PCDH9: variants seen among roughly 807,000 people sequenced by gnomAD.
The protein encoded by PCDH9 is protocadherin 9, also known as protocadherin-9.
Under a neutral mutation model 70.6 loss-of-function variants are expected in PCDH9, and 24 were observed. The observed-to-expected ratio is 0.34, with a 90% CI of 0.25 to 0.48. PCDH9 has a LOEUF of 0.48. Among genes scored for constraint, PCDH9 ranks in the 20% least tolerant of loss-of-function variants. The pLI is 0.99. For synonymous variants in PCDH9, 562 were observed against 558.5 expected (o/e 1.01, Z -0.09); for missense variants, 1,281 against 1,503.6 (o/e 0.85, Z 2.45).
intron 4 of PCDH9, among the ~76,000 whole-genome samples, chr13:66,352,311 C>T (rs1326470430): frequency 6.6e-6 from 1 of 152,104 alleles, no homozygotes; most frequent in Non-Finnish European, 1.5e-5. Flanking sequence ...ATTATCTGTG[C>T]CTTTGCATGC....
At chr13:66,923,647 G>A (rs1290029307) in intron 2 of PCDH9, among the ~76,000 whole-genome samples, 1 of 151,548 alleles carries the variant, frequency 6.6e-6, no homozygotes, top group African/African-American at 2.4e-5. Flanking sequence ...AATTTTAATA[G>A]ATAAGGAAAC....
intron 4 of PCDH9, among the ~76,000 whole-genome samples, chr13:66,341,719 G>A (rs1160558812): frequency 2.1e-5 from 3 of 144,454 alleles, no homozygotes; most frequent in African/African-American, 7.6e-5. Flanking sequence ...CTTGCACTGA[G>A]CTGGTTTGCT....
At chr13:67,215,019 C>A (rs1184297914) in intron 2 of PCDH9, 1 of 140,332 alleles carries the variant, frequency 7.1e-6, no homozygotes, top group African/African-American at 2.6e-5. Context: ...CATGATTACA[C>A]CCATTTTGCA....
chr13:66,365,624 G>C (rs193286728), intron 4 of PCDH9, among the ~76,000 whole-genome samples: 1 of 152,254 alleles, frequency 6.6e-6, no homozygotes, highest in Non-Finnish European at 1.5e-5. Flanking sequence ...AGAAGAAATA[G>C]ACTTATTAAG....
intron 2 of PCDH9, among the ~76,000 whole-genome samples, chr13:66,926,587 G>A (rs1021561997): frequency 7.9e-5 from 12 of 152,034 alleles, no homozygotes; most frequent in African/African-American, 1.2e-4. Flanking sequence ...ACATGGGCAT[G>A]AGCAGTCTCT....
intron 2 of PCDH9, among the ~76,000 whole-genome samples, chr13:67,114,454 A>G (rs147785027): frequency 2.6e-3 from 389 of 152,316 alleles, no homozygotes; most frequent in African/African-American, 8.2e-3. Flanking sequence ...CTTACTTTCA[A>G]TGAGGCATCT....
intron 4 of PCDH9, among the ~76,000 whole-genome samples, chr13:66,335,857 C>T (rs913421081): frequency 6.6e-6 from 1 of 152,070 alleles, no homozygotes; most frequent in Admixed American, 6.6e-5. Flanking sequence ...GGGGTGTCTA[C>T]TGTATTTGAG....
At chr13:66,680,131 T>C (rs986844116) in intron 3 of PCDH9, among the ~76,000 whole-genome samples, 1 of 151,952 alleles carries the variant, frequency 6.6e-6, no homozygotes, top group Non-Finnish European at 1.5e-5. Flanking sequence ...TTTTTGGAAG[T>C]TGTCACATGC....
At chr13:67,028,011 C>T (rs1174107702) in intron 2 of PCDH9, among the ~76,000 whole-genome samples, 16 of 150,460 alleles carry the variant, frequency 1.1e-4, no homozygotes, top group East Asian at 9.9e-4. Context: ...GTCAGTGTGG[C>T]GATTCCTCAG....
intron 4 of PCDH9, among the ~76,000 whole-genome samples, chr13:66,464,900 T>C (rs1033072585): frequency 1.3e-5 from 2 of 151,982 alleles, no homozygotes; most frequent in African/African-American, 4.8e-5. Context: ...ATATATCTAA[T>C]AATTGCAATT....
At chr13:66,344,286 C>A (rs760342629) in intron 4 of PCDH9, among the ~76,000 whole-genome samples, 1 of 151,540 alleles carries the variant, frequency 6.6e-6, no homozygotes, top group African/African-American at 2.4e-5. Flanking sequence ...GGGACCACGC[C>A]CAGCTAATTT....
chr13:66,524,174 A>G (rs1440141428), intron 4 of PCDH9, among the ~76,000 whole-genome samples: 1 of 152,144 alleles, frequency 6.6e-6, no homozygotes, highest in Non-Finnish European at 1.5e-5. Flanking sequence ...TATTTAGTTA[A>G]AATCAAATAT....
chr13:66,588,218 C>G (rs117916380), intron 4 of PCDH9, among the ~76,000 whole-genome samples: 157 of 151,446 alleles, frequency 1.0e-3, no homozygotes, highest in African/African-American at 3.7e-3. Flanking sequence ...GGAGATACCC[C>G]CTGATGGTGC....
chr13:66,617,770 A>G (rs1213290532), intron 4 of PCDH9, among the ~76,000 whole-genome samples: 5 of 152,136 alleles, frequency 3.3e-5, no homozygotes, highest in Non-Finnish European at 4.4e-5. Flanking sequence ...CAGGCCATCA[A>G]ACTCCAAACA....
chr13:67,012,366 C>T (rs1435563044), intron 2 of PCDH9, among the ~76,000 whole-genome samples: 1 of 151,726 alleles, frequency 6.6e-6, no homozygotes, highest in African/African-American at 2.4e-5. Flanking sequence ...TAAACCTGGC[C>T]ATCATGTTTT....
intron 4 of PCDH9, among the ~76,000 whole-genome samples, chr13:66,368,069 A>G (rs1956582707): frequency 6.6e-6 from 1 of 152,100 alleles, no homozygotes; most frequent in African/African-American, 2.4e-5. Context: ...TAAATGACAA[A>G]CTAAATATTT....
rs1268880206 is a variant in PCDH9 at position 67,196,258 on chromosome 13, G to A, written c.3036+29147C>T. 2.0e-5 allele frequency among the ~76,000 whole-genome samples: 3 copies of A among 152,202 alleles called. No homozygotes were observed. The East Asian group carries it at 5.8e-4, about 29-fold the overall frequency. ...CAAAACAAGTACCAGGTATAGTAGCGCTAATAGGGATATGAATTAGCCGAA... is the reference window on the plus strand; with the variant it reads ...CAAAACAAGTACCAGGTATAGTAGCACTAATAGGGATATGAATTAGCCGAA... On this transcript the variant is annotated intron_variant, in intron 2 of 4. Coordinates refer to ENST00000377865, the MANE Select transcript of PCDH9 (RefSeq NM_203487.3).
chr13:67,128,617 T>C (rs961540437), intron 2 of PCDH9, among the ~76,000 whole-genome samples: 3 of 152,186 alleles, frequency 2.0e-5, no homozygotes, highest in East Asian at 3.9e-4. Flanking sequence ...CCCTCTGTCA[T>C]TTCGCCCACC....
chr13:67,196,561 A>G (rs1211685939), intron 2 of PCDH9, among the ~76,000 whole-genome samples: 1 of 152,120 alleles, frequency 6.6e-6, no homozygotes, highest in Non-Finnish European at 1.5e-5. Context: ...ATGTATGGAG[A>G]AAAGCATCTC....
Sources: allele counts gnomAD v4.1 joint callset (sites outside exome capture counted in the v4.1 genomes callset), GRCh38; gene constraint gnomAD v4.1.1; transcripts MANE v1.5; gene names NCBI Gene and HGNC (gene_info 2026-07-23, HGNC 2026-07-21).